ZNF532: variants seen among roughly 807,000 people sequenced by gnomAD.
ZNF532 encodes the protein zinc finger protein 532.
Under a neutral mutation model 89.3 loss-of-function variants are expected in ZNF532, and 22 were observed. The observed-to-expected ratio is 0.25, with a 90% CI of 0.18 to 0.35. ZNF532 has a LOEUF of 0.35. Among genes scored for constraint, ZNF532 ranks in the 10% least tolerant of loss-of-function variants. The probability of loss-of-function intolerance (pLI) is 1.00; values close to 1 mark genes in which losing one functional copy is unlikely to be tolerated. For missense variants in ZNF532, 1,132 were observed against 1,643.4 expected, an observed-to-expected ratio of 0.69 and a Z score of 5.38; for synonymous variants, 606 against 649.6, an observed-to-expected ratio of 0.93 and a Z score of 1.02.
At chr18:58,899,627 C>T (rs1022957987) in intron 2 of ZNF532, among the ~76,000 whole-genome samples, 1 of 152,106 alleles carries the variant, frequency 6.6e-6, no homozygotes. Context: ...AGCCACCACG[C>T]CCAGCTTATT....
intron 9 of ZNF532, among the ~76,000 whole-genome samples, chr18:58,982,630 CA>C (rs201264843): frequency 0.036 from 5,544 of 152,030 alleles, 103 homozygotes; most frequent in East Asian, 0.059. Flanking sequence ...TCCACCCCCC[CA>C]AAAAAAGTTA....
At chr18:58,867,382 C>T (rs1285007261) in intron 2 of ZNF532, among the ~76,000 whole-genome samples, 2 of 152,188 alleles carry the variant, frequency 1.3e-5, no homozygotes, top group African/African-American at 4.8e-5. Context: ...GCAAATGCTG[C>T]TGAGGGTTGG....
At chr18:58,882,719 T>G (rs1411268370) in intron 2 of ZNF532, among the ~76,000 whole-genome samples, 1 of 152,218 alleles carries the variant, frequency 6.6e-6, no homozygotes, top group African/African-American at 2.4e-5. Flanking sequence ...GTGTTGTGAT[T>G]AGAGGTGTGA....
At position 58,919,181 on chromosome 18, in the gene ZNF532, C is replaced by G; in HGVS notation, c.894C>G (p.Ser298=). The G allele has an allele frequency of 6.2e-7, 1 of 1,614,150 alleles. No individual in the cohort carries two copies. Among genetic ancestry groups the G allele is most frequent in the Non-Finnish European group, 8.5e-7 (1 of 1,180,022 alleles). The change falls in exon 3 of 10, where the codon TCC becomes TCG. Residue 298 remains serine (S), a synonymous_variant. Transcript: ENST00000591808. This position sits in a 1 kb window ranked among gnomAD's most constrained non-coding sequence, Gnocchi z 6.1. ...CAGTGGCCAATTCGAGGGAATCCTC[C>G]CCGTTACCAAAAGAAGTAAATGACA... ...KEPVANSRES[S]PLPKEVNDSP...
intron 7 of ZNF532, among the ~76,000 whole-genome samples, chr18:58,967,517 T>C (rs936736799): frequency 1.3e-5 from 2 of 152,214 alleles, no homozygotes; most frequent in African/African-American, 4.8e-5. Context: ...TTATCACCAG[T>C]AGGTCTCTTC....
rs182492394 is a variant in ZNF532 at position 58,872,046 on chromosome 18, T to C, written c.-18+6467T>C. ...CAGGAAGTTCTATATTCTGGCTGTT[T>C]TATAATGAGGGAGAGCAAATTCTGT... is the stretch of plus-strand genomic sequence containing the variant. On this transcript the variant is annotated intron_variant, in intron 2 of 9. Transcript: ENST00000591808. 5.9e-3 allele frequency among the ~76,000 whole-genome samples: 900 copies of C among 152,346 alleles called. 4 individuals are homozygous for C. The highest frequency in any genetic ancestry group is 0.024 in the Middle Eastern group (7 of 294).
Position 58,920,243 on chromosome 18 carries a change from C to A in ZNF532, c.1956C>A (p.Asn652Lys). The change falls in exon 3 of 10, where the codon AAC (asparagine) becomes AAA (lysine). Residue 652 changes from asparagine to lysine, a missense_variant. Coordinates refer to ENST00000591808, the MANE Select transcript of ZNF532 (RefSeq NM_001375912.1). Reference protein sequence around the residue: ...IEVTCNHCTKNLVFYNKCSLL... With the variant: ...IEVTCNHCTKKLVFYNKCSLL... ...TAACGTGCAACCATTGTACAAAGAA[C>A]CTCGTTTTTTACAACAAATGCAGCC... The A allele has an allele frequency of 6.2e-7, 1 of 1,613,968 alleles. No homozygotes were observed. The highest frequency in any genetic ancestry group is 8.5e-7 in the Non-Finnish European group (1 of 1,179,838).
intron 2 of ZNF532, among the ~76,000 whole-genome samples, chr18:58,915,102 A>T (rs2060510797): frequency 6.6e-6 from 1 of 152,212 alleles, no homozygotes; most frequent in African/African-American, 2.4e-5. Context: ...GATTGTGGGT[A>T]TGAAAAACAT....
intron 7 of ZNF532, among the ~76,000 whole-genome samples, chr18:58,974,072 A>T (rs1272159234): frequency 6.6e-6 from 1 of 152,224 alleles, no homozygotes; most frequent in Non-Finnish European, 1.5e-5. Context: ...ACTTATTCAT[A>T]GAACTCTACT....
At position 58,979,127 on chromosome 18, in the gene ZNF532, C is replaced by A; in HGVS notation, c.3223C>A (p.Arg1075=). 6.2e-7 allele frequency: 1 copy of A among 1,613,398 alleles called. No homozygotes were observed. Among genetic ancestry groups the A allele is most frequent in the East Asian group, 2.2e-5 (1 of 44,874 alleles). The change falls in exon 8 of 10, where the codon CGG becomes AGG. Residue 1075 remains arginine, a synonymous_variant. Coordinates refer to ENST00000591808, the MANE Select transcript of ZNF532 (RefSeq NM_001375912.1). ...SSSHSLCRHN[R]IKHKGIRKVY... The stretch of plus-strand genomic sequence containing the variant: ...GTCCCACAGCCTGTGCCGGCACAAC[C>A]GGATCAAGCACAAAGGCATCAGGAA...
rs575310144 is a variant in ZNF532, at chr18:58,923,594, G to A, written c.2346+2961G>A. ...GGTGCTATCCAGCAGCCATGGGAGT[G>A]GGAGGTGGGGGCTGCAGTAAGACAG... is the stretch of plus-strand genomic sequence containing the variant. On this transcript the variant is annotated intron_variant, in intron 3 of 9. Transcript: ENST00000591808. 1.8e-3 allele frequency among the ~76,000 whole-genome samples: 278 copies of A among 152,186 alleles called. 1 individual carries two copies. Among genetic ancestry groups the A allele is most frequent in the African/African-American group, 6.4e-3 (267 of 41,530 alleles).
intron 7 of ZNF532, among the ~76,000 whole-genome samples, chr18:58,971,102 A>G (rs1444311452): frequency 6.6e-6 from 1 of 152,232 alleles, no homozygotes; most frequent in Non-Finnish European, 1.5e-5. Flanking sequence ...TCAGCAGACC[A>G]GACAGTCTTA....
chr18:58,910,229 A>C (rs2060196372), intron 2 of ZNF532, among the ~76,000 whole-genome samples: 1 of 152,194 alleles, frequency 6.6e-6, no homozygotes, highest in Non-Finnish European at 1.5e-5. Context: ...AGATTTCAGC[A>C]GTTTTTTACT....
intron 2 of ZNF532, among the ~76,000 whole-genome samples, chr18:58,915,175 C>A (rs2060516661): frequency 6.6e-6 from 1 of 152,170 alleles, no homozygotes; most frequent in African/African-American, 2.4e-5. Flanking sequence ...AGTTATACAA[C>A]CCCAGAGAGG....
Position 58,878,423 on chromosome 18 carries a change from C to T in ZNF532, c.-18+12844C>T, listed in dbSNP as rs564879398. On this transcript the variant is annotated intron_variant, in intron 2 of 9. Coordinates refer to ENST00000591808, the MANE Select transcript of ZNF532 (RefSeq NM_001375912.1). ...ACAAGTGCATGATGGCAGGAGTCGG[C>T]AGTCCGAAAGATCTGTGATCTGTGG... 1.9e-4 allele frequency among the ~76,000 whole-genome samples: 29 copies of T among 152,336 alleles called. 1 individual carries two copies. In the South Asian group the frequency reaches 2.5e-3, roughly 13 times the overall value.
chr18:58,971,059 C>G (rs2066430693), intron 7 of ZNF532, among the ~76,000 whole-genome samples: 1 of 152,214 alleles, frequency 6.6e-6, no homozygotes, highest in Non-Finnish European at 1.5e-5. Flanking sequence ...TGTTACTGTT[C>G]TGCGTCATTA....
At chr18:58,887,977 C>T (rs530509087) in intron 2 of ZNF532, among the ~76,000 whole-genome samples, 10 of 152,308 alleles carry the variant, frequency 6.6e-5, no homozygotes, top group African/African-American at 2.4e-4. Flanking sequence ...TAGATTAGAG[C>T]TTTGCGTTCA....
At chr18:58,957,602 A>G (rs1320988731) in intron 7 of ZNF532, among the ~76,000 whole-genome samples, 1 of 152,010 alleles carries the variant, frequency 6.6e-6, no homozygotes, top group Admixed American at 6.6e-5. Context: ...TTTATGTCAA[A>G]ACATTAGAAT....
intron 7 of ZNF532, among the ~76,000 whole-genome samples, chr18:58,959,258 TTGTTTTTTTTTG>T (rs1385191269): frequency 6.9e-6 from 1 of 143,984 alleles, no homozygotes; most frequent in Non-Finnish European, 1.5e-5. Flanking sequence ...TTTTTGTTTT[TTGTTTTTTTTTG>T]TTTTTTTTTG....
Sources: gnomAD v4.1 joint callset for allele counts (sites outside exome capture counted in the v4.1 genomes callset) on GRCh38, gnomAD v4.1.1 for gene constraint, Gnocchi (gnomAD v3.1) non-coding constraint, MANE v1.5 for transcripts, NCBI Gene and HGNC (gene_info 2026-07-23, HGNC 2026-07-21) for gene names.